RBPJ: variants seen among roughly 807,000 people sequenced by gnomAD.
The protein encoded by RBPJ is recombining binding protein suppressor of hairless.
Under a neutral mutation model 67.8 loss-of-function variants are expected in RBPJ, and 9 were observed. That is an observed-to-expected ratio of 0.13 (90% CI 0.08 to 0.23). The LOEUF is 0.23. Among genes scored for constraint, RBPJ ranks in the 10% least tolerant of loss-of-function variants. The pLI is 1.00. For synonymous variants in RBPJ, 198 were observed against 203.3 expected (o/e 0.97, Z 0.22); for missense variants, 305 against 595.6 (o/e 0.51, Z 5.08).
chr4:26,366,112 T>A (rs1728594055), intron 1 of RBPJ, among the ~76,000 whole-genome samples: 1 of 152,208 alleles, frequency 6.6e-6, no homozygotes, highest in Admixed American at 6.5e-5. Context: ...TTCTAAAACT[T>A]CTGTGTCAGT....
At chr4:26,109,242 G>A in the RBPJ span, among the ~76,000 whole-genome samples, 1 of 150,786 alleles carries the variant, frequency 6.6e-6, no homozygotes, top group Admixed American at 6.6e-5. Context: ...CAAGTAGCTG[G>A]GATTATAGGC....
chr4:26,275,878 G>A (rs993374707), intron 1 of RBPJ, among the ~76,000 whole-genome samples: 3 of 151,782 alleles, frequency 2.0e-5, no homozygotes, highest in African/African-American at 7.2e-5. Context: ...TGCCCACCTC[G>A]GCCTCCCAAA....
the RBPJ span, chr4:26,112,701 C>T: frequency 1.4e-5 from 2 of 147,430 alleles, no homozygotes; most frequent in Non-Finnish European, 3.0e-5. Context: ...AGAAGTCCTT[C>T]TGTATTGATT....
chr4:26,122,735 A>G, the RBPJ span, among the ~76,000 whole-genome samples: 2 of 152,190 alleles, frequency 1.3e-5, no homozygotes, highest in African/African-American at 4.8e-5. Flanking sequence ...TCTAGTAGGA[A>G]CTGGCAAACT....
intron 1 of RBPJ, among the ~76,000 whole-genome samples, chr4:26,182,246 A>G (rs372779395): frequency 3.5e-3 from 516 of 149,260 alleles, no homozygotes; most frequent in Non-Finnish European, 4.1e-3. Context: ...GGAGGCTGAG[A>G]CAGGAGAATG....
chr4:26,369,019 G>A (rs1728896644), intron 1 of RBPJ, among the ~76,000 whole-genome samples: 1 of 152,126 alleles, frequency 6.6e-6, no homozygotes, highest in Non-Finnish European at 1.5e-5. Flanking sequence ...AGCAGATTTT[G>A]CTTATTTTGT....
chr4:26,386,331 T>G, intron 1 of RBPJ, 22 bp from the exon 2 acceptor site: 1 of 1,535,034 alleles, frequency 6.5e-7, no homozygotes, highest in Non-Finnish European at 8.8e-7. Context: ...TAACTTTATT[T>G]TCTTTATTTT....
At chr4:26,200,680 A>C (rs538680946) in intron 1 of RBPJ, among the ~76,000 whole-genome samples, 6 of 151,422 alleles carry the variant, frequency 4.0e-5, no homozygotes, top group African/African-American at 9.7e-5. Flanking sequence ...AGAAAAAAAA[A>C]CCCAAGCAAT....
chr4:26,391,806 C>T (rs889724591), intron 2 of RBPJ, among the ~76,000 whole-genome samples: 1 of 152,204 alleles, frequency 6.6e-6, no homozygotes, highest in Non-Finnish European at 1.5e-5. Context: ...ATTAAGACTA[C>T]AGTGAGTGTG....
chr4:26,116,363 T>C, the RBPJ span, among the ~76,000 whole-genome samples: 1 of 152,246 alleles, frequency 6.6e-6, no homozygotes, highest in African/African-American at 2.4e-5. Context: ...AAGAAAATCT[T>C]ACCTGTTCTT....
At chr4:26,420,981 A>G in intron 5 of RBPJ, 1 of 409,022 alleles carries the variant, frequency 2.4e-6, no homozygotes, top group Non-Finnish European at 4.4e-6. Context: ...TTCTGTTGTT[A>G]CAGTGACTGG....
chr4:26,290,195 T>G (rs1721620503), intron 1 of RBPJ, among the ~76,000 whole-genome samples: 1 of 148,436 alleles, frequency 6.7e-6, no homozygotes, highest in Admixed American at 6.7e-5. Flanking sequence ...AAAACTTAGC[T>G]GGGCATGGTG....
At chr4:26,120,960 G>A in the RBPJ span, among the ~76,000 whole-genome samples, 1 of 151,538 alleles carries the variant, frequency 6.6e-6, no homozygotes, top group Admixed American at 6.6e-5. Context: ...AGATGAAGGG[G>A]GGAAAGGAGA....
the RBPJ span, among the ~76,000 whole-genome samples, chr4:26,125,368 C>T: frequency 2.0e-5 from 3 of 152,192 alleles, no homozygotes; most frequent in Non-Finnish European, 4.4e-5. Context: ...GATTTTTCTA[C>T]ACTACTGACT....
the RBPJ span, among the ~76,000 whole-genome samples, chr4:26,108,228 G>C: frequency 1.3e-5 from 2 of 152,176 alleles, no homozygotes; most frequent in Non-Finnish European, 2.9e-5. Flanking sequence ...ATGGGGAATG[G>C]CATCCAGGGC....
At chr4:26,212,122 C>T (rs138330375) in intron 1 of RBPJ, among the ~76,000 whole-genome samples, 1 of 152,270 alleles carries the variant, frequency 6.6e-6, no homozygotes. Flanking sequence ...TTTGTTACAA[C>T]AACCCTAGCA....
At chr4:26,334,067 G>T (rs2109364812) in intron 1 of RBPJ, among the ~76,000 whole-genome samples, 1 of 149,370 alleles carries the variant, frequency 6.7e-6, no homozygotes, top group Non-Finnish European at 1.5e-5. Flanking sequence ...TTTTGATGGA[G>T]TCTCGCTCCG....
intron 1 of RBPJ, among the ~76,000 whole-genome samples, chr4:26,207,382 T>A (rs1167613905): frequency 6.6e-6 from 1 of 152,144 alleles, no homozygotes; most frequent in African/African-American, 2.4e-5. Flanking sequence ...GGTCACACCT[T>A]CTTCTCCACG....
intron 1 of RBPJ, among the ~76,000 whole-genome samples, chr4:26,188,871 T>G (rs1211119322): frequency 3.9e-5 from 6 of 152,240 alleles, no homozygotes; most frequent in Non-Finnish European, 8.8e-5. Flanking sequence ...GATATAGATC[T>G]GATTTAATTA....
Sources: allele counts gnomAD v4.1 joint callset (sites outside exome capture counted in the v4.1 genomes callset), GRCh38; gene constraint gnomAD v4.1.1; transcripts MANE v1.5; gene names NCBI Gene and HGNC (gene_info 2026-07-23, HGNC 2026-07-21).